EBF1: variants seen among roughly 807,000 people sequenced by gnomAD.
EBF1 encodes transcription factor COE1.
Under a neutral mutation model 68.4 loss-of-function variants are expected in EBF1, and 10 were observed. That is an observed-to-expected ratio of 0.15 (90% CI 0.09 to 0.25). EBF1 has a LOEUF of 0.25. Ranked by LOEUF, EBF1 falls within the 10% of genes least tolerant of loss-of-function variation. The pLI is 1.00. For synonymous variants in EBF1, 298 were observed against 299.8 expected (o/e 0.99, Z 0.06); for missense variants, 509 against 794.4 (o/e 0.64, Z 4.32).
At chr5:158,742,733 G>A (rs1473681476) in intron 10 of EBF1, among the ~76,000 whole-genome samples, 2 of 151,998 alleles carry the variant, frequency 1.3e-5, no homozygotes, top group Middle Eastern at 3.2e-3. Context: ...TGCTAACTTG[G>A]AATTACAGTT....
At chr5:158,980,744 G>GA (rs1757726688) in intron 6 of EBF1, among the ~76,000 whole-genome samples, 4 of 152,112 alleles carry the variant, frequency 2.6e-5, no homozygotes, top group African/African-American at 7.2e-5. Flanking sequence ...TGCTACTGAA[G>GA]GTGTCTCTAT....
chr5:158,863,149 C>T (rs762603204), intron 6 of EBF1, among the ~76,000 whole-genome samples: 14 of 152,180 alleles, frequency 9.2e-5, no homozygotes, highest in Non-Finnish European at 2.1e-4. Context: ...TGGTTTGGAA[C>T]TCTAACTCAT....
At chr5:159,022,929 T>C (rs921077097) in intron 6 of EBF1, among the ~76,000 whole-genome samples, 1 of 152,198 alleles carries the variant, frequency 6.6e-6, no homozygotes, top group African/African-American at 2.4e-5. Context: ...AAAAAAATAT[T>C]GTAAAGTCAT....
At chr5:159,064,389 T>A (rs1310268674) in intron 6 of EBF1, among the ~76,000 whole-genome samples, 1 of 152,140 alleles carries the variant, frequency 6.6e-6, no homozygotes, top group Admixed American at 6.5e-5. Flanking sequence ...GTCTGGGAGA[T>A]AGGAGATGTG....
chr5:159,092,120 C>T (rs1034332178), intron 4 of EBF1, among the ~76,000 whole-genome samples: 6 of 152,194 alleles, frequency 3.9e-5, no homozygotes, highest in Non-Finnish European at 7.4e-5. Flanking sequence ...TGAAAGGATG[C>T]CCACTAAACC....
At chr5:159,075,796 C>T (rs908201607) in intron 5 of EBF1, among the ~76,000 whole-genome samples, 2 of 152,170 alleles carry the variant, frequency 1.3e-5, no homozygotes, top group African/African-American at 4.8e-5. Context: ...AACCTTCTGC[C>T]CCCTTCCTCC....
intron 8 of EBF1, among the ~76,000 whole-genome samples, chr5:158,820,184 A>C (rs1248124555): frequency 1.4e-5 from 2 of 147,330 alleles, no homozygotes; most frequent in Non-Finnish European, 3.0e-5. Flanking sequence ...AAAGTCCAGA[A>C]TGGGGGAGAA....
chr5:159,099,100 C>G (rs1435505415), intron 1 of EBF1, among the ~76,000 whole-genome samples: 2 of 152,272 alleles, frequency 1.3e-5, no homozygotes, highest in Non-Finnish European at 2.9e-5. Context: ...CAGTCACAGA[C>G]GAGGCAGGGG....
intron 8 of EBF1, among the ~76,000 whole-genome samples, chr5:158,815,556 G>T (rs1026915243): frequency 1.3e-5 from 2 of 152,084 alleles, no homozygotes; most frequent in African/African-American, 4.8e-5. Context: ...TAATAATAGA[G>T]TAATAAATAT....
At chr5:158,806,849 T>C (rs897533424) in intron 8 of EBF1, among the ~76,000 whole-genome samples, 8 of 152,158 alleles carry the variant, frequency 5.3e-5, no homozygotes, top group Admixed American at 2.6e-4. Context: ...ATCTTCCACA[T>C]TCTATCCTAA....
intron 4 of EBF1, among the ~76,000 whole-genome samples, chr5:159,093,199 T>C (rs1781967752): frequency 6.6e-6 from 1 of 152,180 alleles, no homozygotes; most frequent in Non-Finnish European, 1.5e-5. Flanking sequence ...CCAAAACTCT[T>C]GCAGCACATA....
intron 6 of EBF1, among the ~76,000 whole-genome samples, chr5:159,067,003 C>T (rs1211154064): frequency 6.6e-6 from 1 of 151,996 alleles, no homozygotes; most frequent in Non-Finnish European, 1.5e-5. Flanking sequence ...ATTAAAGTGA[C>T]CAAAATACCA....
intron 11 of EBF1, among the ~76,000 whole-genome samples, chr5:158,719,709 G>A (rs936506709): frequency 6.6e-6 from 1 of 152,088 alleles, no homozygotes; most frequent in African/African-American, 2.4e-5. Context: ...TTTGTTCATA[G>A]CACATATAGG....
At chr5:158,755,244 A>C (rs1769809815) in intron 10 of EBF1, among the ~76,000 whole-genome samples, 1 of 152,066 alleles carries the variant, frequency 6.6e-6, no homozygotes. Context: ...ATTAGGAAAA[A>C]AGTAGAAAAC....
chr5:158,718,819 G>T (rs1396013340), intron 11 of EBF1, among the ~76,000 whole-genome samples: 7 of 152,112 alleles, frequency 4.6e-5, no homozygotes, highest in Non-Finnish European at 1.5e-5. Flanking sequence ...CTGACCATCT[G>T]TGTCACCCAG....
chr5:158,911,914 T>C (rs1027053576), intron 6 of EBF1, among the ~76,000 whole-genome samples: 2 of 152,240 alleles, frequency 1.3e-5, no homozygotes, highest in African/African-American at 4.8e-5. Context: ...TCTGCATCAA[T>C]AATGATTCAT....
intron 6 of EBF1, among the ~76,000 whole-genome samples, chr5:159,037,656 TG>T (rs1234243489): frequency 2.0e-5 from 2 of 101,898 alleles, no homozygotes; most frequent in African/African-American, 7.8e-5. Flanking sequence ...GGGACTGTGG[TG>T]GGGTGGGGGG....
At chr5:158,861,842 T>TA (rs33912710) in intron 6 of EBF1, among the ~76,000 whole-genome samples, 3,316 of 146,680 alleles carry the variant, frequency 0.023, 82 homozygotes, top group African/African-American at 0.06. Context: ...TGATTTATTG[T>TA]AAAAAAAAAA....
At position 159,035,615 on chromosome 5, in the gene EBF1, G is replaced by A. The variant is rs61223145; in HGVS notation, c.554+37781C>T. On this transcript the variant is annotated intron_variant, in intron 6 of 15. Coordinates refer to ENST00000313708, the MANE Select transcript of EBF1 (RefSeq NM_024007.5). Reference sequence around the variant, plus strand: ...GACTTTGTACAATTCATCCAACCTCGCTAAGCTTCAGCTTTCCTCACCTAT... The same window carrying A: ...GACTTTGTACAATTCATCCAACCTCACTAAGCTTCAGCTTTCCTCACCTAT... Among the ~76,000 whole-genome samples, 1,036 of 152,208 alleles carry A rather than the reference G, an allele frequency of 6.8e-3. 9 individuals are homozygous for A. The highest frequency in any genetic ancestry group is 0.022 in the African/African-American group (920 of 41,534).
Sources: gnomAD v4.1 joint callset for allele counts (sites outside exome capture counted in the v4.1 genomes callset) on GRCh38, gnomAD v4.1.1 for gene constraint, MANE v1.5 for transcripts, NCBI Gene and HGNC (gene_info 2026-07-23, HGNC 2026-07-21) for gene names.